The following FAM118A variants were observed in gnomAD, a reference collection of about 807,000 sequenced individuals.
The protein encoded by FAM118A is SIR2 antiphage like 2.
A neutral mutation model predicts 38.2 loss-of-function variants in FAM118A; 25 were observed. The ratio of observed to expected loss-of-function variants is 0.65; its 90% confidence interval spans 0.48 to 0.91. FAM118A has a LOEUF of 0.91. Ranked by LOEUF, FAM118A falls within the 40% of genes least tolerant of loss-of-function variation. The pLI is 0.00. For missense variants in FAM118A, 425 were observed against 463.3 expected (o/e 0.92, Z 0.76); for synonymous variants, 178 against 184.1 (o/e 0.97, Z 0.27).
intron 2 of FAM118A, 110 bp from the exon 3 acceptor site, chr22:45,323,041 CTGTGTGTGTGTGTGTGTGTGTGTG>C (rs3041118): frequency 7.6e-6 from 5 of 659,688 alleles, no homozygotes; most frequent in Non-Finnish European, 1.0e-5. Context: ...TCAGAGGGGA[CTGTGTGTGTGTGTGTGTGTGTGTG>C]TGTGTGTGTG....
intron 1 of FAM118A, among the ~76,000 whole-genome samples, chr22:45,312,893 G>T (rs2084434364): frequency 6.6e-6 from 1 of 152,132 alleles, no homozygotes; most frequent in African/African-American, 2.4e-5. Flanking sequence ...GCCCTTTTAT[G>T]CCTTTTATGG....
chr22:45,311,296 T>A (rs1328355846), intron 1 of FAM118A, among the ~76,000 whole-genome samples: 1 of 152,142 alleles, frequency 6.6e-6, no homozygotes, highest in African/African-American at 2.4e-5. Context: ...GAGGTGTGGC[T>A]GGAGCACACC....
In FAM118A at chr22:45,332,648, T is replaced by G. The variant is rs761290647; in HGVS notation, c.875T>G (p.Phe292Cys). 6.2e-7 allele frequency: 1 copy of G among 1,614,228 alleles called. No homozygotes were observed. The highest frequency in any genetic ancestry group is 1.6e-4 in the Middle Eastern group (1 of 6,062). ...AAAGTTGTATCCTACGGGGACTGTT[T>G]TGACCACTTTCCAGGATATGTGCAA... ...GIKVVSYGDC[F>C]DHFPGYVQDL... The change falls in exon 6 of 9, where the codon TTT becomes TGT. Residue 292 changes from phenylalanine (F) to cysteine (C), a missense_variant. By Grantham distance (205) the Phe-to-Cys change is radical. Coordinates refer to ENST00000441876, the MANE Select transcript of FAM118A (RefSeq NM_017911.4).
Position 45,336,334 on chromosome 22 carries a change from C to G in FAM118A, c.977C>G (p.Ala326Gly). 3 of 1,612,254 alleles carry G rather than the reference C, an allele frequency of 1.9e-6. No homozygotes were observed. In the South Asian group the frequency reaches 3.3e-5, roughly 18 times the overall value. The stretch of plus-strand genomic sequence containing the variant: ...ATAAATTCTTCTCTTTTAGGTAATG[C>G]ATGCCAGGACTGTGCAAAGAGGAAG... ...RVDSTTLLGNACQDCAKRKLE... is the reference protein window; with the variant it reads ...RVDSTTLLGNGCQDCAKRKLE... The change falls in exon 8 of 9, where the codon GCA becomes GGA. Residue 326 changes from alanine (A) to glycine (G), a missense_variant. Transcript: ENST00000441876.
chr22:45,315,132 A>C (rs2084548688), intron 1 of FAM118A, among the ~76,000 whole-genome samples: 1 of 152,178 alleles, frequency 6.6e-6, no homozygotes, highest in Admixed American at 6.5e-5. Context: ...AATTAAACTA[A>C]ATTTGAATTA....
chr22:45,319,364 G>A (rs2084750240), intron 1 of FAM118A, among the ~76,000 whole-genome samples: 1 of 152,156 alleles, frequency 6.6e-6, no homozygotes, highest in Non-Finnish European at 1.5e-5. Context: ...GGCGGGAGTA[G>A]GGGGCACTTG....
At chr22:45,318,960 C>G (rs920923395) in intron 1 of FAM118A, 1 of 152,152 alleles carries the variant, frequency 6.6e-6, no homozygotes, top group African/African-American at 2.4e-5. Flanking sequence ...TGGCCTGTTA[C>G]GTAAGTGTTA....
intron 3 of FAM118A, among the ~76,000 whole-genome samples, chr22:45,324,730 C>G (rs1396448053): frequency 2.0e-5 from 3 of 152,214 alleles, no homozygotes; most frequent in African/African-American, 7.2e-5. Flanking sequence ...CAGAGACTTT[C>G]TGGCCCACAA....
intron 1 of FAM118A, among the ~76,000 whole-genome samples, chr22:45,316,411 A>G (rs2084607887): frequency 6.6e-6 from 1 of 152,168 alleles, no homozygotes; most frequent in African/African-American, 2.4e-5. Context: ...GGCTGTGAAA[A>G]AGGAAGTTTG....
chr22:45,341,871 G>A lies in FAM118A; in HGVS notation c.*1466G>A, dbSNP rs754857117. On this transcript the variant is annotated 3_prime_UTR_variant, in exon 9 of 9. Coordinates refer to ENST00000441876, the MANE Select transcript of FAM118A (RefSeq NM_017911.4). ...GTAGGATGCATAGGGAGGGAGAGAAGCCCTGAAAACTTTTTTTTTCTTTTT... is the reference window on the plus strand; with the variant it reads ...GTAGGATGCATAGGGAGGGAGAGAAACCCTGAAAACTTTTTTTTTCTTTTT... 3 of 152,172 alleles carry A rather than the reference G, an allele frequency of 2.0e-5. No homozygotes were observed. The highest frequency in any genetic ancestry group is 4.8e-5 in the African/African-American group (2 of 41,432). The allele number at this position is 152,172 out of a possible 1,614,324, so 9.4% of individuals were successfully genotyped here.
intron 1 of FAM118A, chr22:45,322,139 G>A (rs923908695): frequency 1.1e-5 from 16 of 1,450,936 alleles, no homozygotes; most frequent in Admixed American, 4.2e-5. Context: ...GTGCTGTCCC[G>A]TGTAGAACAG....
At chr22:45,336,287 T>C in intron 7 of FAM118A, 41 bp from the exon 8 acceptor site, 1 of 1,542,592 alleles carries the variant, frequency 6.5e-7, no homozygotes, top group Non-Finnish European at 8.9e-7. Flanking sequence ...GGCGAGTGGA[T>C]TCTGAATAAA....
chr22:45,309,289 A>C (rs2084272744), upstream of FAM118A: 2 of 152,258 alleles, frequency 1.3e-5, no homozygotes, highest in African/African-American at 4.8e-5. Context: ...GTGGGCGGCC[A>C]TGGTGTGCCC....
At chr22:45,325,246 A>G (rs569611122) in intron 3 of FAM118A, among the ~76,000 whole-genome samples, 34 of 152,308 alleles carry the variant, frequency 2.2e-4, no homozygotes, top group Middle Eastern at 6.8e-3. Context: ...GTTGAGCATC[A>G]TTCAACTCTT....
chr22:45,340,198 C>T (rs2086391357), intron 8 of FAM118A, among the ~76,000 whole-genome samples, 188 bp from the exon 9 acceptor site: 1 of 152,204 alleles, frequency 6.6e-6, no homozygotes, highest in South Asian at 2.1e-4. Context: ...GCTTGATCCC[C>T]TGATAGTACT....
chr22:45,338,532 C>G (rs181484070), intron 8 of FAM118A, among the ~76,000 whole-genome samples: 15 of 152,284 alleles, frequency 9.9e-5, no homozygotes, highest in African/African-American at 3.6e-4. Context: ...CGGCCAAGCT[C>G]TTGTTTTCTT....
chr22:45,338,870 A>G (rs1482333614), intron 8 of FAM118A, among the ~76,000 whole-genome samples: 1 of 152,226 alleles, frequency 6.6e-6, no homozygotes, highest in African/African-American at 2.4e-5. Context: ...GACCATGTGC[A>G]ATAGTCCATG....
At chr22:45,332,386 T>C (rs752304558) in intron 5 of FAM118A, 39 bp from the exon 6 acceptor site, 20 of 1,583,936 alleles carry the variant, frequency 1.3e-5, no homozygotes, top group Non-Finnish European at 1.7e-5. Flanking sequence ...CTTGCTGTCT[T>C]TCAAATGAGC....
intron 4 of FAM118A, chr22:45,329,163 G>T (rs2085525294): frequency 6.6e-6 from 1 of 152,344 alleles, no homozygotes; most frequent in South Asian, 2.1e-4. Context: ...GACTATATCA[G>T]TTAGCATATA....
Sources: allele counts gnomAD v4.1 joint callset (sites outside exome capture counted in the v4.1 genomes callset), GRCh38; gene constraint gnomAD v4.1.1; transcripts MANE v1.5; gene names NCBI Gene and HGNC (gene_info 2026-07-23, HGNC 2026-07-21).